RABL2B: variants seen among roughly 807,000 people sequenced by gnomAD.
RABL2B encodes the protein RAB, member of RAS oncogene family like 2B, also known as rab-like protein 2B.
In RABL2B, 17 loss-of-function variants were observed where a neutral mutation model predicts 26.7. The ratio of observed to expected loss-of-function variants is 0.64; its 90% confidence interval spans 0.44 to 0.95. RABL2B has a LOEUF of 0.95. Among genes scored for constraint, RABL2B ranks in the 40% least tolerant of loss-of-function variants. RABL2B has a pLI of 0.00. For missense variants in RABL2B, 170 were observed against 277.2 expected (o/e 0.61, Z 2.75); for synonymous variants, 70 against 103.9 (o/e 0.67, Z 1.99).
At chr22:50,778,189 G>A (rs1194389908) in intron 2 of RABL2B, among the ~76,000 whole-genome samples, 2 of 151,264 alleles carry the variant, frequency 1.3e-5, no homozygotes, top group Non-Finnish European at 2.9e-5. Context: ...GTCACTATGA[G>A]TACACACACC....
At position 50,775,870 on chromosome 22, in the gene RABL2B, C is replaced by T; in HGVS notation, c.218-19G>A. 3 of 1,614,224 alleles carry T rather than the reference C, an allele frequency of 1.9e-6. No homozygotes were observed. Among genetic ancestry groups the T allele is most frequent in the Middle Eastern group, 1.7e-4 (1 of 6,060 alleles). On this transcript the variant is annotated intron_variant, in intron 4 of 8. Coordinates refer to ENST00000691320, the MANE Select transcript of RABL2B (RefSeq NM_001130919.3). ...CAAAAGTCTGCAATGTGAACACAGACAGACCTACATGCCTGGTGCACTTCT... is the reference window on the plus strand; with the variant it reads ...CAAAAGTCTGCAATGTGAACACAGATAGACCTACATGCCTGGTGCACTTCT...
intron 2 of RABL2B, among the ~76,000 whole-genome samples, chr22:50,778,613 A>T (rs1486383857): frequency 6.6e-6 from 1 of 151,876 alleles, no homozygotes; most frequent in African/African-American, 2.4e-5. Flanking sequence ...GTGGTTCCCC[A>T]TTTCTTTCAG....
At chr22:50,776,975 C>T (rs189189082) in intron 3 of RABL2B, among the ~76,000 whole-genome samples, 58 of 152,236 alleles carry the variant, frequency 3.8e-4, no homozygotes, top group Non-Finnish European at 3.4e-4. Flanking sequence ...GTGTCCTGGC[C>T]ATCGAAGTCT....
chr22:50,781,400 A>AAG (rs3044691), intron 2 of RABL2B, among the ~76,000 whole-genome samples: 12,494 of 141,728 alleles, frequency 0.088, 685 homozygotes, highest in African/African-American at 0.17. Flanking sequence ...TGTGGTGGGG[A>AAG]AGAGAGAGAG....
At chr22:50,778,121 G>C (rs1555925837) in intron 2 of RABL2B, 140 bp from the exon 3 acceptor site, 7 of 1,215,534 alleles carry the variant, frequency 5.8e-6, no homozygotes, top group Non-Finnish European at 8.4e-6. Context: ...ACAGCTTCCG[G>C]GTCAAGTCTG....
chr22:50,772,522 C>T (rs2084339031), intron 5 of RABL2B: 1 of 991,398 alleles, frequency 1.0e-6, no homozygotes. Flanking sequence ...ACAACCACCA[C>T]CCTGTAACCG....
At chr22:50,774,692 G>T (rs2084702720) in intron 5 of RABL2B, among the ~76,000 whole-genome samples, 1 of 150,706 alleles carries the variant, frequency 6.6e-6, no homozygotes, top group African/African-American at 2.4e-5. Flanking sequence ...TAGTGACCAA[G>T]GTTTTCACTT....
chr22:50,768,133 G>C lies in RABL2B; in HGVS notation c.*643C>G, dbSNP rs2083649252. The C allele has an allele frequency of 5.1e-6, 1 of 197,078 alleles. No individual in the cohort carries two copies. The highest frequency in any genetic ancestry group is 1.7e-4 in the East Asian group (1 of 5,774). The allele number at this position is 197,078 out of a possible 1,614,324, so 12.2% of individuals were successfully genotyped here. ...CTGGGCGTGGTGATGCCAGCCACTC[G>C]GGAGGCTGAGGCAGGAGAATCGTTT... On this transcript the variant is annotated 3_prime_UTR_variant, in exon 9 of 9. Transcript: ENST00000691320.
chr22:50,771,702 C>G (rs1380665114), intron 5 of RABL2B: 2 of 150,564 alleles, frequency 1.3e-5, no homozygotes, highest in African/African-American at 2.5e-5. Flanking sequence ...TCCTCCACCC[C>G]CTGGGCTCCG....
chr22:50,775,020 C>T (rs1367051011), intron 5 of RABL2B, among the ~76,000 whole-genome samples: 1 of 152,198 alleles, frequency 6.6e-6, no homozygotes, highest in East Asian at 1.9e-4. Context: ...CTCAGGTGAT[C>T]CACCCATCTT....
Position 50,767,651 on chromosome 22 carries a change from C to T in RABL2B, c.*1125G>A, listed in dbSNP as rs1394313995. On this transcript the variant is annotated 3_prime_UTR_variant, in exon 9 of 9. Transcript: ENST00000691320. ...AGAGAGGGGTGAACAGGCATATCTGCTAGCTCTCCTCTTGCAGTCCTCAGC... is the reference window on the plus strand; with the variant it reads ...AGAGAGGGGTGAACAGGCATATCTGTTAGCTCTCCTCTTGCAGTCCTCAGC... 2.5e-6 allele frequency: 1 copy of T among 395,410 alleles called. No individual in the cohort carries two copies. The highest frequency in any genetic ancestry group is 2.1e-5 in the African/African-American group (1 of 46,830). The allele number at this position is 395,410 out of a possible 1,614,324, so 24.5% of individuals were successfully genotyped here.
intron 5 of RABL2B, among the ~76,000 whole-genome samples, chr22:50,773,502 CACAG>C (rs1469489230): frequency 1.3e-5 from 2 of 151,966 alleles, no homozygotes; most frequent in Non-Finnish European, 2.9e-5. Flanking sequence ...ACACGTGCAT[CACAG>C]ACAGTCCATG....
chr22:50,780,365 C>T (rs533870561), intron 2 of RABL2B, among the ~76,000 whole-genome samples: 4 of 151,456 alleles, frequency 2.6e-5, no homozygotes, highest in Admixed American at 6.6e-5. Flanking sequence ...GTACAACTGA[C>T]GCCCTTCAGA....
intron 5 of RABL2B, chr22:50,771,891 T>C (rs2084242715): frequency 6.6e-6 from 1 of 152,200 alleles, no homozygotes; most frequent in East Asian, 1.9e-4. Flanking sequence ...ATTACAGGCA[T>C]AAGCCACTGT....
rs570061883 is a variant in RABL2B at position 50,768,759 on chromosome 22, C to A, written c.*17G>T. 2.4e-4 allele frequency: 380 copies of A among 1,613,750 alleles called. 4 individuals are homozygous for A. The South Asian group carries it at 3.8e-3, about 16-fold the overall frequency. On this transcript the variant is annotated 3_prime_UTR_variant, in exon 9 of 9. Transcript: ENST00000691320. ...GGGTATTTTAAAAGGGCTCCACCCA[C>A]CCCTAGCCCCAGCCCCTCAGCTGTG...
At chr22:50,780,167 G>A (rs1466912435) in intron 2 of RABL2B, among the ~76,000 whole-genome samples, 2 of 151,760 alleles carry the variant, frequency 1.3e-5, no homozygotes, top group African/African-American at 2.4e-5. Flanking sequence ...CAGGGGGTAG[G>A]GGAGCTGTCA....
intron 3 of RABL2B, 34 bp downstream of exon 3, chr22:50,777,918 A>G (rs781845831): frequency 6.2e-7 from 1 of 1,614,064 alleles, no homozygotes; most frequent in African/African-American, 1.3e-5. Context: ...GAAGACCCAC[A>G]GGAACAAGGG....
intron 2 of RABL2B, among the ~76,000 whole-genome samples, chr22:50,779,804 C>CA (rs1212034064): frequency 1.3e-5 from 2 of 152,002 alleles, no homozygotes; most frequent in African/African-American, 4.8e-5. Context: ...GCCAACATGG[C>CA]AAAACCTCTG....
chr22:50,779,518 C>T (rs1287309081), intron 2 of RABL2B, among the ~76,000 whole-genome samples: 1 of 152,062 alleles, frequency 6.6e-6, no homozygotes, highest in African/African-American at 2.4e-5. Context: ...TCTGTACTCA[C>T]ACCATGTGGC....
Sources: allele counts gnomAD v4.1 joint callset (sites outside exome capture counted in the v4.1 genomes callset), GRCh38; gene constraint gnomAD v4.1.1; transcripts MANE v1.5; gene names NCBI Gene and HGNC (gene_info 2026-07-23, HGNC 2026-07-21).